The following ACTR3C variants were observed in gnomAD, a reference collection of about 807,000 sequenced individuals.
ACTR3C encodes the protein actin-related protein 3C.
A neutral mutation model predicts 26.3 loss-of-function variants in ACTR3C; 18 were observed. That is an observed-to-expected ratio of 0.68 (90% CI 0.47 to 1.01). The LOEUF (loss-of-function observed/expected upper bound fraction) is 1.01, where lower values mean the gene tolerates loss of function less well. Ranked by LOEUF, ACTR3C falls within the 50% of genes least tolerant of loss-of-function variation. The pLI is 0.00. For synonymous variants in ACTR3C, 55 were observed against 94.5 expected (o/e 0.58, Z 2.42); for missense variants, 184 against 250.7 (o/e 0.73, Z 1.80).
chr7:150,134,646 T>C, the ACTR3C span, among the ~76,000 whole-genome samples: 1 of 152,304 alleles, frequency 6.6e-6, no homozygotes, highest in East Asian at 1.9e-4. Context: ...TGAGAAGCTT[T>C]TCGACGCCAC....
At chr7:150,224,431 C>T in the ACTR3C span, among the ~76,000 whole-genome samples, 2 of 152,284 alleles carry the variant, frequency 1.3e-5, no homozygotes, top group Admixed American at 6.5e-5. Context: ...GGTGTACTTC[C>T]TGTGTATAGC....
chr7:150,110,781 T>C, the ACTR3C span, among the ~76,000 whole-genome samples: 1 of 93,920 alleles, frequency 1.1e-5, no homozygotes, highest in East Asian at 3.1e-4. Flanking sequence ...TGGCTCTGGC[T>C]GGCAGAGGCA....
the ACTR3C span, among the ~76,000 whole-genome samples, chr7:149,946,011 C>T: frequency 6.6e-6 from 1 of 152,160 alleles, no homozygotes; most frequent in African/African-American, 2.4e-5. Context: ...GAGGAAGAGC[C>T]TCCAGAGAGG....
the ACTR3C span, among the ~76,000 whole-genome samples, chr7:150,149,349 T>A: frequency 3.3e-5 from 5 of 151,834 alleles, no homozygotes; most frequent in African/African-American, 9.7e-5. Flanking sequence ...TAGTGTTTTT[T>A]TTATTATTAT....
the ACTR3C span, among the ~76,000 whole-genome samples, chr7:150,233,655 T>C: frequency 6.6e-6 from 1 of 151,878 alleles, no homozygotes; most frequent in Non-Finnish European, 1.5e-5. Flanking sequence ...TGATTTTTAT[T>C]ATTTCTAGCA....
At chr7:150,142,663 G>T in the ACTR3C span, among the ~76,000 whole-genome samples, 1 of 151,350 alleles carries the variant, frequency 6.6e-6, no homozygotes, top group Non-Finnish European at 1.5e-5. Flanking sequence ...TGAGTAGCTG[G>T]GATTACAGAC....
the ACTR3C span, among the ~76,000 whole-genome samples, chr7:150,029,729 G>A: frequency 6.6e-6 from 1 of 152,004 alleles, no homozygotes; most frequent in Non-Finnish European, 1.5e-5. Flanking sequence ...AAAGTCATCT[G>A]AGGCCTAAGC....
chr7:149,934,606 C>T, the ACTR3C span, among the ~76,000 whole-genome samples: 3 of 151,800 alleles, frequency 2.0e-5, no homozygotes. Context: ...TTCCCATTCC[C>T]AAGACACTCC....
chr7:150,178,120 C>T, the ACTR3C span, among the ~76,000 whole-genome samples: 1 of 150,484 alleles, frequency 6.6e-6, no homozygotes, highest in South Asian at 2.1e-4. Context: ...GACACAACAT[C>T]GTCTTCCAAG....
the ACTR3C span, among the ~76,000 whole-genome samples, chr7:149,898,758 C>T: frequency 2.0e-5 from 3 of 151,630 alleles, no homozygotes; most frequent in Non-Finnish European, 4.4e-5. Context: ...TAAAACACAT[C>T]ACACACACAC....
At chr7:149,900,844 C>T in the ACTR3C span, among the ~76,000 whole-genome samples, 4 of 151,998 alleles carry the variant, frequency 2.6e-5, no homozygotes, top group Admixed American at 2.6e-4. Flanking sequence ...ACCAGCCTGG[C>T]CAACATGGTG....
At chr7:149,934,134 G>C in the ACTR3C span, among the ~76,000 whole-genome samples, 2 of 151,614 alleles carry the variant, frequency 1.3e-5, no homozygotes, top group Non-Finnish European at 2.9e-5. Flanking sequence ...TCCAGGTGTA[G>C]AGTTCCACTC....
chr7:150,212,699 CAGTA>C, the ACTR3C span, among the ~76,000 whole-genome samples: 2 of 152,344 alleles, frequency 1.3e-5, no homozygotes, highest in African/African-American at 2.4e-5. Context: ...CCCTTGCTAA[CAGTA>C]AGTGTTAGTG....
chr7:150,159,868 G>T, the ACTR3C span, among the ~76,000 whole-genome samples: 16 of 151,936 alleles, frequency 1.1e-4, no homozygotes, highest in Admixed American at 2.0e-4. Flanking sequence ...GCTGTGGCGC[G>T]ATCTCGGCTC....
chr7:150,201,724 C>T, the ACTR3C span, among the ~76,000 whole-genome samples: 1 of 150,986 alleles, frequency 6.6e-6, no homozygotes, highest in Non-Finnish European at 1.5e-5. Context: ...TACCACTGTA[C>T]TCCAGTCTCA....
the ACTR3C span, among the ~76,000 whole-genome samples, chr7:150,156,511 G>T: frequency 7.9e-5 from 12 of 151,980 alleles, no homozygotes; most frequent in African/African-American, 2.9e-4. Flanking sequence ...TCGAGCATGT[G>T]CCATAGAATA....
At chr7:149,971,522 T>C in the ACTR3C span, among the ~76,000 whole-genome samples, 1 of 152,300 alleles carries the variant, frequency 6.6e-6, no homozygotes, top group Non-Finnish European at 1.5e-5. Context: ...ACTTTTTATT[T>C]AATAAAAGTA....
At chr7:149,941,127 C>A in the ACTR3C span, among the ~76,000 whole-genome samples, 3 of 152,200 alleles carry the variant, frequency 2.0e-5, no homozygotes, top group African/African-American at 4.8e-5. Flanking sequence ...AGATTATACA[C>A]AACCCAGCAA....
At chr7:149,884,867 A>C in the ACTR3C span, among the ~76,000 whole-genome samples, 1 of 152,196 alleles carries the variant, frequency 6.6e-6, no homozygotes, top group Non-Finnish European at 1.5e-5. Context: ...CCTGGGTCTC[A>C]CACTGCACCC....
Sources: gnomAD v4.1 joint callset for allele counts (sites outside exome capture counted in the v4.1 genomes callset) on GRCh38, gnomAD v4.1.1 for gene constraint, MANE v1.5 for transcripts, NCBI Gene and HGNC (gene_info 2026-07-23, HGNC 2026-07-21) for gene names.